Variants in SCFD2 observed in about 807,000 individuals in gnomAD.
SCFD2 encodes the protein sec1 family domain-containing protein 2.
A neutral mutation model predicts 58.9 loss-of-function variants in SCFD2; 54 were observed. The observed-to-expected ratio is 0.92, with a 90% CI of 0.74 to 1.15. SCFD2 has a LOEUF of 1.15. Among genes scored for constraint, SCFD2 ranks in the 50% most tolerant of loss-of-function variants. The pLI is 0.00. For synonymous variants in SCFD2, 321 were observed against 335.9 expected, an observed-to-expected ratio of 0.96 and a Z score of 0.49; for missense variants, 805 against 836.6, an observed-to-expected ratio of 0.96 and a Z score of 0.47.
intron 3 of SCFD2, among the ~76,000 whole-genome samples, chr4:53,289,979 A>G (rs745709505): frequency 6.6e-6 from 1 of 152,240 alleles, no homozygotes; most frequent in Non-Finnish European, 1.5e-5. Flanking sequence ...CTAAATGTAT[A>G]AAACAAATAT....
intron 4 of SCFD2, among the ~76,000 whole-genome samples, chr4:53,222,903 A>G (rs551944120): frequency 1.3e-5 from 2 of 152,352 alleles, no homozygotes; most frequent in East Asian, 3.9e-4. Flanking sequence ...CATAGGCAGT[A>G]GCAGATTCTA....
At position 53,030,023 on chromosome 4, in the gene SCFD2, A is replaced by T. The variant is rs139484616; in HGVS notation, c.1562-109153T>A. ...AAAACTTCTGATCTATTAAAGACAC[A>T]GTTGAGCGAACAAAATGAAAAACAC... On this transcript the variant is annotated intron_variant, in intron 5 of 8. Transcript: ENST00000401642. 8.0e-3 allele frequency among the ~76,000 whole-genome samples: 1,212 copies of T among 152,344 alleles called. 9 individuals carry two copies. Among genetic ancestry groups the T allele is most frequent in the Non-Finnish European group, 0.012 (814 of 68,036 alleles).
intron 4 of SCFD2, among the ~76,000 whole-genome samples, chr4:53,202,912 G>T (rs368617544): frequency 1.1e-4 from 17 of 152,148 alleles, no homozygotes; most frequent in Non-Finnish European, 2.5e-4. Context: ...CCTATCAGCT[G>T]AAGGAGATTT....
chr4:53,174,927 G>A (rs1279662864), intron 4 of SCFD2, among the ~76,000 whole-genome samples: 7 of 144,190 alleles, frequency 4.9e-5, no homozygotes, highest in Admixed American at 3.7e-4. Flanking sequence ...TGCCTATGCC[G>A]TACAGCACAG....
chr4:53,255,693 T>C (rs1430023394), intron 4 of SCFD2, among the ~76,000 whole-genome samples: 1 of 152,190 alleles, frequency 6.6e-6, no homozygotes, highest in Non-Finnish European at 1.5e-5. Flanking sequence ...AAAACCTCCA[T>C]TGTCATCATG....
At chr4:52,954,924 G>GT (rs977778228) in intron 5 of SCFD2, among the ~76,000 whole-genome samples, 8 of 152,124 alleles carry the variant, frequency 5.3e-5, no homozygotes, top group African/African-American at 1.9e-4. Flanking sequence ...TCTTTCATCT[G>GT]TTGCTTTTCC....
chr4:53,142,421 T>C (rs931683043), intron 5 of SCFD2, among the ~76,000 whole-genome samples: 16 of 152,210 alleles, frequency 1.1e-4, no homozygotes, highest in Admixed American at 9.2e-4. Flanking sequence ...AAAATGTGCA[T>C]AAGGCATACA....
intron 5 of SCFD2, among the ~76,000 whole-genome samples, chr4:52,978,794 C>G (rs1311257746): frequency 6.6e-6 from 1 of 152,156 alleles, no homozygotes. Context: ...ATTCACAACT[C>G]TGGCCCCCTA....
At chr4:53,062,391 C>CAATAAT (rs60077342) in intron 5 of SCFD2, among the ~76,000 whole-genome samples, 18,629 of 149,752 alleles carry the variant, frequency 0.12, 1,808 homozygotes, top group African/African-American at 0.28. Flanking sequence ...CGTACAATAA[C>CAATAAT]AATAATAATA....
chr4:53,216,644 A>G (rs1313298277), intron 4 of SCFD2, among the ~76,000 whole-genome samples: 2 of 151,936 alleles, frequency 1.3e-5, no homozygotes. Context: ...GTCGGTATCT[A>G]CTTCAGTTCT....
At chr4:52,913,759 AAGACTTTACCTCTCATCAGC>A (rs1459888091) in intron 6 of SCFD2, among the ~76,000 whole-genome samples, 1 of 152,176 alleles carries the variant, frequency 6.6e-6, no homozygotes, top group Non-Finnish European at 1.5e-5. Context: ...TCCTACACTG[AAGACTTTACCTCTCATCAGC>A]AGATGATGAA....
chr4:53,215,648 G>T (rs370988233), intron 4 of SCFD2, among the ~76,000 whole-genome samples: 1 of 152,018 alleles, frequency 6.6e-6, no homozygotes, highest in Non-Finnish European at 1.5e-5. Flanking sequence ...TCCTTCTCCT[G>T]CCTGATTGTC....
chr4:52,989,050 A>G (rs1721563613), intron 5 of SCFD2, among the ~76,000 whole-genome samples: 1 of 152,232 alleles, frequency 6.6e-6, no homozygotes, highest in African/African-American at 2.4e-5. Context: ...ATAGAAAGAG[A>G]AACCTAACAA....
rs745827303 is a variant in SCFD2 at position 53,130,996 on chromosome 4, A to G, written c.1561+14337T>C. ...TATCTACACGCAAATATAAAAGGCA[A>G]ACACCAACCAGAAAAACATATTAGC... is the stretch of plus-strand genomic sequence containing the variant. On this transcript the variant is annotated intron_variant, in intron 5 of 8. Transcript: ENST00000401642. 5.7e-4 allele frequency among the ~76,000 whole-genome samples: 87 copies of G among 152,368 alleles called. 1 individual carries two copies. The highest frequency in any genetic ancestry group is 3.4e-3 in the Middle Eastern group (1 of 294).
At chr4:53,242,994 T>C (rs13152012) in intron 4 of SCFD2, among the ~76,000 whole-genome samples, 108,590 of 152,076 alleles carry the variant, frequency 0.71, 38,957 homozygotes, top group Middle Eastern at 0.8. Context: ...GTAAAGAGAC[T>C]AAATCTATGA....
chr4:53,052,740 G>T (rs1275981938), intron 5 of SCFD2, among the ~76,000 whole-genome samples: 1 of 152,092 alleles, frequency 6.6e-6, no homozygotes, highest in Non-Finnish European at 1.5e-5. Context: ...GTGATTTTAG[G>T]TCAACAATTG....
chr4:53,144,320 A>G (rs1560355526), intron 5 of SCFD2, among the ~76,000 whole-genome samples: 2 of 151,020 alleles, frequency 1.3e-5, no homozygotes, highest in East Asian at 1.9e-4. Flanking sequence ...TATGTAATAT[A>G]TGTGTGTATA....
intron 3 of SCFD2, among the ~76,000 whole-genome samples, chr4:53,284,652 C>T (rs1173087838): frequency 6.6e-6 from 1 of 152,148 alleles, no homozygotes; most frequent in Non-Finnish European, 1.5e-5. Context: ...TAACTGCCTA[C>T]ACTTCTTACC....
At chr4:53,207,681 T>C (rs1320595100) in intron 4 of SCFD2, among the ~76,000 whole-genome samples, 1 of 147,092 alleles carries the variant, frequency 6.8e-6, no homozygotes, top group African/African-American at 2.5e-5. Flanking sequence ...TGGGAGGTGA[T>C]TGAATCATGG....
Sources: allele counts gnomAD v4.1 joint callset (sites outside exome capture counted in the v4.1 genomes callset), GRCh38; gene constraint gnomAD v4.1.1; transcripts MANE v1.5; gene names NCBI Gene and HGNC (gene_info 2026-07-23, HGNC 2026-07-21).